Variants in TCF20 observed in about 807,000 individuals in gnomAD.
TCF20 encodes the protein SPRE-binding protein.
A neutral mutation model predicts 148.6 loss-of-function variants in TCF20; 3 were observed. That is an observed-to-expected ratio of 0.02 (90% CI 0.01 to 0.05). TCF20 has a LOEUF of 0.05. Among genes scored for constraint, TCF20 ranks in the 10% least tolerant of loss-of-function variants. The pLI, the probability that TCF20 is intolerant of heterozygous loss-of-function variation, is 1.00. For synonymous variants in TCF20, 1,049 were observed against 909.5 expected (o/e 1.15, Z -2.76); for missense variants, 2,350 against 2,429.3 (o/e 0.97, Z 0.69).
intron 2 of TCF20, among the ~76,000 whole-genome samples, chr22:42,204,051 T>C (rs1938219479): frequency 6.6e-6 from 1 of 152,262 alleles, no homozygotes; most frequent in South Asian, 2.1e-4. Flanking sequence ...TGTTTTAATA[T>C]GTGATTTCAT....
intron 1 of TCF20, among the ~76,000 whole-genome samples, chr22:42,318,099 C>T (rs951344114): frequency 1.3e-5 from 2 of 152,176 alleles, no homozygotes; most frequent in South Asian, 2.1e-4. Flanking sequence ...CAGGCCCCAA[C>T]GGGGCACCAC....
intron 1 of TCF20, among the ~76,000 whole-genome samples, chr22:42,222,153 A>G (rs544007038): frequency 6.6e-6 from 1 of 152,312 alleles, no homozygotes; most frequent in African/African-American, 2.4e-5. Context: ...ATCATTTCTA[A>G]AAGACAACAA....
At chr22:42,293,933 G>T (rs1015567116) in intron 1 of TCF20, among the ~76,000 whole-genome samples, 1 of 152,220 alleles carries the variant, frequency 6.6e-6, no homozygotes, top group African/African-American at 2.4e-5. Flanking sequence ...CCTGGAGCCG[G>T]AGGTTGCAGT....
intron 1 of TCF20, among the ~76,000 whole-genome samples, chr22:42,217,676 T>C (rs971517759): frequency 2.0e-5 from 3 of 152,084 alleles, no homozygotes; most frequent in African/African-American, 7.2e-5. Flanking sequence ...GAGAGAATTA[T>C]AGAAAGTGAA....
At chr22:42,200,068 CTAAA>C (rs912895408) in intron 2 of TCF20, among the ~76,000 whole-genome samples, 10 of 152,148 alleles carry the variant, frequency 6.6e-5, no homozygotes, top group African/African-American at 2.2e-4. Context: ...ATTTGAAAGG[CTAAA>C]TAAAAAGCAA....
At chr22:42,304,351 G>A (rs994701056) in intron 1 of TCF20, among the ~76,000 whole-genome samples, 1 of 151,906 alleles carries the variant, frequency 6.6e-6, no homozygotes, top group Non-Finnish European at 1.5e-5. Context: ...GGTGAGCACA[G>A]GGAGGTGGGG....
chr22:42,306,659 G>A (rs748250060), intron 1 of TCF20, among the ~76,000 whole-genome samples: 20 of 152,172 alleles, frequency 1.3e-4, no homozygotes, highest in Non-Finnish European at 2.8e-4. Flanking sequence ...CTTCGCCTCA[G>A]GAGCCCCCAT....
At chr22:42,318,859 G>A (rs937709218) in intron 1 of TCF20, among the ~76,000 whole-genome samples, 1 of 152,174 alleles carries the variant, frequency 6.6e-6, no homozygotes, top group Admixed American at 6.5e-5. Flanking sequence ...CTGGGTGTGT[G>A]GGGTGCTCCT....
chr22:42,302,715 A>C (rs1001966417), intron 1 of TCF20, among the ~76,000 whole-genome samples: 6 of 152,198 alleles, frequency 3.9e-5, no homozygotes, highest in African/African-American at 1.4e-4. Context: ...TGCAGGACTT[A>C]TCCAGAACCC....
chr22:42,250,370 CA>C, intron 1 of TCF20, among the ~76,000 whole-genome samples: 1 of 148,916 alleles, frequency 6.7e-6, no homozygotes, highest in Admixed American at 6.8e-5. Context: ...CGCCTGAACC[CA>C]GGAGACAAAG....
chr22:42,213,493 C>A lies in TCF20; in HGVS notation c.1813G>T (p.Gly605Trp). The A allele has an allele frequency of 6.2e-7, 1 of 1,614,198 alleles. No homozygotes were observed. Among genetic ancestry groups the A allele is most frequent in the South Asian group, 1.1e-5 (1 of 91,086 alleles). Reference sequence around the variant, plus strand: ...ATGGCTTCCCGGGAGACAATCACCCCAACAGTCTTCTCATTAACCTTTGGG... The same window carrying A: ...ATGGCTTCCCGGGAGACAATCACCCAAACAGTCTTCTCATTAACCTTTGGG... ...GNPKVNEKTVGVIVSREAMTG... is the reference protein window; with the variant it reads ...GNPKVNEKTVWVIVSREAMTG... The change falls in exon 2 of 6, where the codon GGG becomes TGG. Residue 605 changes from glycine (G) to tryptophan (W), a missense_variant. Gly to Trp is a radical substitution (Grantham distance 184, BLOSUM62 -2). This residue lies in a region of TCF20 where 1,641 missense variants were observed against 1,662.6 expected (regional missense o/e 0.99). Coordinates refer to ENST00000677622, the MANE Select transcript of TCF20 (RefSeq NM_001378418.1).
chr22:42,198,722 C>T (rs1254843176), intron 2 of TCF20, among the ~76,000 whole-genome samples: 2 of 148,128 alleles, frequency 1.4e-5, no homozygotes, highest in Non-Finnish European at 3.0e-5. Flanking sequence ...AGTGCAGTGG[C>T]GTGATCTTGG....
chr22:42,306,536 G>A (rs558918811), intron 1 of TCF20, among the ~76,000 whole-genome samples: 59 of 152,298 alleles, frequency 3.9e-4, no homozygotes, highest in African/African-American at 1.3e-3. Context: ...CACTGTGCCC[G>A]TGGAACCCAT....
intron 1 of TCF20, among the ~76,000 whole-genome samples, chr22:42,242,287 T>G (rs138635551): frequency 7.1e-4 from 104 of 147,498 alleles, no homozygotes; most frequent in African/African-American, 2.6e-3. Context: ...ACTCTTAGAA[T>G]GAGAAGGGAA....
intron 1 of TCF20, among the ~76,000 whole-genome samples, chr22:42,225,620 CAAAAAAAAA>C (rs57952215): frequency 1.3e-5 from 1 of 74,808 alleles, no homozygotes; most frequent in Non-Finnish European, 2.8e-5. Context: ...GACTCCGTCT[CAAAAAAAAA>C]AAAAAAAAAA....
Position 42,195,593 on chromosome 22 carries a change from C to T in TCF20, c.5655+14058G>A, listed in dbSNP as rs188190505. 3.9e-3 allele frequency among the ~76,000 whole-genome samples: 592 copies of T among 151,704 alleles called. 7 individuals are homozygous for T. The highest frequency in any genetic ancestry group is 0.014 in the Middle Eastern group (4 of 290). ...TCAGCTCACTGCAACCTCCACCTCC[C>T]GGTTCAAGCGATTCTCCCGCCTCAG... On this transcript the variant is annotated intron_variant, in intron 2 of 5. Coordinates refer to ENST00000677622, the MANE Select transcript of TCF20 (RefSeq NM_001378418.1).
intron 1 of TCF20, among the ~76,000 whole-genome samples, chr22:42,294,975 C>T (rs1927204514): frequency 6.6e-6 from 1 of 152,174 alleles, no homozygotes; most frequent in Non-Finnish European, 1.5e-5. Context: ...TGAGGCTGCC[C>T]AAGGAAACCT....
chr22:42,179,873 T>C (rs927870631), intron 2 of TCF20, among the ~76,000 whole-genome samples, 171 bp from the exon 3 acceptor site: 3 of 152,162 alleles, frequency 2.0e-5, no homozygotes, highest in Non-Finnish European at 4.4e-5. Flanking sequence ...GACCACACCA[T>C]GGGAAGGGAT....
rs1936581240 is a variant in TCF20, at chr22:42,178,582, ATTCT to A, written c.5749+1023_5749+1026del. ...AACCACATATCCAGAATTACAAATA[ATTCT>A]TTTTTTTTTTTTTTTTTTTTTTGAG... On this transcript the variant is annotated intron_variant, in intron 3 of 5. Coordinates refer to ENST00000677622, the MANE Select transcript of TCF20 (RefSeq NM_001378418.1). Among the ~76,000 whole-genome samples, 11 of 144,024 alleles carry A rather than the reference ATTCT, an allele frequency of 7.6e-5. No homozygotes were observed. In the South Asian group the frequency reaches 2.4e-3, roughly 32 times the overall value. The allele number at this position is 144,024 out of a possible 152,430, so 94.5% of individuals were successfully genotyped here.
Sources: gnomAD v4.1 joint callset for allele counts (sites outside exome capture counted in the v4.1 genomes callset) on GRCh38, gnomAD v4.1.1 for gene constraint, gnomAD v4.1.1 regional missense constraint, MANE v1.5 for transcripts, NCBI Gene and HGNC (gene_info 2026-07-23, HGNC 2026-07-21) for gene names.